The following PIGL variants were observed in gnomAD, a reference collection of about 807,000 sequenced individuals.
PIGL encodes the protein phosphatidylinositol glycan anchor biosynthesis class L, also known as N-acetylglucosaminyl-phosphatidylinositol de-N-acetylase.
Under a neutral mutation model 31.1 loss-of-function variants are expected in PIGL, and 22 were observed. The observed-to-expected ratio is 0.71, with a 90% CI of 0.51 to 1.01. The LOEUF is 1.01. Ranked by LOEUF, PIGL falls within the 50% of genes least tolerant of loss-of-function variation. The probability of loss-of-function intolerance (pLI) is 0.00; values close to 1 mark genes in which losing one functional copy is unlikely to be tolerated. For missense variants in PIGL, 302 were observed against 315.9 expected (o/e 0.96, Z 0.33); for synonymous variants, 131 against 117.4 (o/e 1.12, Z -0.75).
At chr17:16,263,818 G>T (rs2142754700) in intron 2 of PIGL, among the ~76,000 whole-genome samples, 1 of 139,210 alleles carries the variant, frequency 7.2e-6, no homozygotes, top group Middle Eastern at 4.9e-3. Flanking sequence ...ACCACACCCA[G>T]CCTGTAAATG....
intron 2 of PIGL, among the ~76,000 whole-genome samples, chr17:16,252,066 C>CTTTTTTTTTTTTTTTTTTTTT (rs66540057): frequency 8.1e-6 from 1 of 123,836 alleles, no homozygotes; most frequent in African/African-American, 4.2e-5. Flanking sequence ...TTTTTTTTTC[C>CTTTTTTTTTTTTTTTTTTTTT]TTTTTTTTTT....
chr17:16,223,107 T>C (rs1284033263), intron 1 of PIGL, among the ~76,000 whole-genome samples: 3 of 152,324 alleles, frequency 2.0e-5, no homozygotes, highest in Non-Finnish European at 4.4e-5. Context: ...ACAGTCTTTA[T>C]GAGAATATCA....
At chr17:16,283,006 A>T (rs998576954) in intron 2 of PIGL, among the ~76,000 whole-genome samples, 6 of 146,748 alleles carry the variant, frequency 4.1e-5, no homozygotes, top group Non-Finnish European at 1.5e-5. Flanking sequence ...CCAAAAAAGA[A>T]TTTTTTTTTT....
At chr17:16,239,003 G>A (rs62072527) in intron 2 of PIGL, among the ~76,000 whole-genome samples, 81,898 of 146,332 alleles carry the variant, frequency 0.56, 23,855 homozygotes, top group African/African-American at 0.72. Context: ...TTGGCCTCCC[G>A]AAGTGCTGGG....
intron 2 of PIGL, among the ~76,000 whole-genome samples, chr17:16,266,388 C>CAAAAAA (rs60708474): frequency 5.6e-5 from 4 of 72,044 alleles, no homozygotes; most frequent in South Asian, 6.4e-4. Flanking sequence ...GACTCCATCT[C>CAAAAAA]AAAAAAAAAA....
At chr17:16,238,247 T>C (rs899381254) in intron 2 of PIGL, among the ~76,000 whole-genome samples, 1 of 150,590 alleles carries the variant, frequency 6.6e-6, no homozygotes, top group Non-Finnish European at 1.5e-5. Flanking sequence ...GGGGCTGGTA[T>C]TATGGTATTA....
chr17:16,315,614 A>G (rs1409613710), intron 4 of PIGL, among the ~76,000 whole-genome samples: 3 of 151,436 alleles, frequency 2.0e-5, no homozygotes, highest in Admixed American at 2.0e-4. Flanking sequence ...GAATATCCAC[A>G]GGGCTTTGCC....
At chr17:16,307,496 C>G (rs2093030946) in intron 3 of PIGL, among the ~76,000 whole-genome samples, 2 of 152,196 alleles carry the variant, frequency 1.3e-5, no homozygotes, top group South Asian at 4.1e-4. Flanking sequence ...TGGCAAGACT[C>G]TTTCTTTACT....
intron 2 of PIGL, among the ~76,000 whole-genome samples, chr17:16,259,695 T>C (rs2092811373): frequency 6.6e-6 from 1 of 152,156 alleles, no homozygotes; most frequent in Admixed American, 6.5e-5. Context: ...GCGGCCTGTT[T>C]GGAGTGGTGG....
At chr17:16,233,049 G>T (rs1173069398) in intron 1 of PIGL, among the ~76,000 whole-genome samples, 1 of 151,952 alleles carries the variant, frequency 6.6e-6, no homozygotes, top group East Asian at 1.9e-4. Flanking sequence ...TGGAGGCAGA[G>T]GTTGCAGTGA....
Position 16,313,533 on chromosome 17 carries a change from G to A in PIGL, c.427-14G>A, listed in dbSNP as rs779869711. On this transcript the variant is annotated splice_polypyrimidine_tract_variant and intron_variant, in intron 3 of 6. Coordinates refer to ENST00000225609, the MANE Select transcript of PIGL (RefSeq NM_004278.4). ...GGAGAAGGCATTCAGTGAAAACCCT[G>A]TGTTTCTCTACAGGTGGTGACTTTC... The A allele has an allele frequency of 6.2e-7, 1 of 1,607,194 alleles. No individual in the cohort carries two copies. Among genetic ancestry groups the A allele is most frequent in the Non-Finnish European group, 8.5e-7 (1 of 1,173,678 alleles).
intron 3 of PIGL, among the ~76,000 whole-genome samples, chr17:16,310,437 A>T (rs2093044301): frequency 6.6e-6 from 1 of 152,254 alleles, no homozygotes; most frequent in East Asian, 1.9e-4. Context: ...CTGAAATACG[A>T]TATTCCCTCA....
chr17:16,259,546 G>A (rs1377326102), intron 2 of PIGL, among the ~76,000 whole-genome samples: 1 of 152,036 alleles, frequency 6.6e-6, no homozygotes, highest in Non-Finnish European at 1.5e-5. Flanking sequence ...AAAGAATGAA[G>A]CTGGACTCCT....
chr17:16,249,413 C>T (rs528170789), intron 2 of PIGL, among the ~76,000 whole-genome samples: 1 of 152,274 alleles, frequency 6.6e-6, no homozygotes, highest in South Asian at 2.1e-4. Context: ...TGGTAGGAAA[C>T]AAGTTGCAGT....
intron 2 of PIGL, among the ~76,000 whole-genome samples, chr17:16,261,508 C>T (rs1600793455): frequency 6.6e-6 from 1 of 152,268 alleles, no homozygotes; most frequent in East Asian, 1.9e-4. Context: ...AAAATGTTTA[C>T]AAGCCACATA....
intron 2 of PIGL, among the ~76,000 whole-genome samples, chr17:16,253,522 A>T (rs938275716): frequency 2.6e-5 from 4 of 152,226 alleles, no homozygotes; most frequent in African/African-American, 9.6e-5. Flanking sequence ...TTACTTTTTT[A>T]AAAGATTTTT....
chr17:16,224,493 G>A (rs956930654), intron 1 of PIGL, among the ~76,000 whole-genome samples: 1 of 150,928 alleles, frequency 6.6e-6, no homozygotes, highest in Non-Finnish European at 1.5e-5. Flanking sequence ...TTTTAGTAGA[G>A]ACGGGATTTT....
At chr17:16,289,730 A>G (rs2142813759) in intron 2 of PIGL, among the ~76,000 whole-genome samples, 1 of 152,342 alleles carries the variant, frequency 6.6e-6, no homozygotes, top group Middle Eastern at 3.4e-3. Context: ...GAGCAAATCC[A>G]TTGCCTGGTT....
rs2093082229 is a variant in PIGL at position 16,317,312 on chromosome 17, T to G, written c.527-463T>G. 1.0e-5 allele frequency: 10 copies of G among 994,844 alleles called. No individual in the cohort carries two copies. In the South Asian group the frequency reaches 4.4e-4, roughly 43 times the overall value. The allele number at this position is 994,844 out of a possible 1,614,324, so 61.6% of individuals were successfully genotyped here. On this transcript the variant is annotated intron_variant, in intron 5 of 6. Transcript: ENST00000225609. ...GGAACATGACTATAGTTTGTTTGAT[T>G]CTTATATCAATCCTGTGAGACAGGC... is the stretch of plus-strand genomic sequence containing the variant.
Sources: allele counts gnomAD v4.1 joint callset (sites outside exome capture counted in the v4.1 genomes callset), GRCh38; gene constraint gnomAD v4.1.1; transcripts MANE v1.5; gene names NCBI Gene and HGNC (gene_info 2026-07-23, HGNC 2026-07-21).